ATL1: variants seen among roughly 807,000 people sequenced by gnomAD.
ATL1 encodes atlastin GTPase 1, also known as atlastin-1.
ATL1 carries 31 observed loss-of-function variants against 75.5 expected under a neutral mutation model. The ratio of observed to expected loss-of-function variants is 0.41; its 90% CI spans 0.31 to 0.55. The LOEUF is 0.55. Among genes scored for constraint, ATL1 ranks in the 20% least tolerant of loss-of-function variants. The pLI is 0.27. For missense variants in ATL1, 405 were observed against 662.6 expected, an observed-to-expected ratio of 0.61 and a Z score of 4.27; for synonymous variants, 226 against 233.3, an observed-to-expected ratio of 0.97 and a Z score of 0.28.
At chr14:50,545,123 A>G (rs1566707105) in intron 1 of ATL1, among the ~76,000 whole-genome samples, 1 of 152,106 alleles carries the variant, frequency 6.6e-6, no homozygotes, top group African/African-American at 2.4e-5. Context: ...CTGGGAACCT[A>G]CTAAGAAAAA....
intron 6 of ATL1, among the ~76,000 whole-genome samples, chr14:50,597,220 C>CAAAAAAAAAAAAAAAAAAAAA (rs372066395): frequency 2.2e-4 from 24 of 108,346 alleles, no homozygotes; most frequent in African/African-American, 6.2e-4. Context: ...AAAAAACAAA[C>CAAAAAAAAAAAAAAAAAAAAA]AAAAAAAAAA....
At position 50,628,111 on chromosome 14, in the gene ATL1, G is replaced by A. The variant is rs144792471; in HGVS notation, c.1200G>A (p.Lys400=). ...KHLQLKEESV[K]LFRGVKKMGG... is the part of the protein sequence containing the mutation. ...TGCAACTTAAGGAAGAATCTGTGAA[G>A]CTATTCCGAGGGGTGAAGAAGATGG... Residue 400 remains lysine, a synonymous_variant, in exon 12 of 14, where the codon AAG becomes AAA. Coordinates refer to ENST00000358385, the MANE Select transcript of ATL1 (RefSeq NM_015915.5). The A allele has an allele frequency of 1.4e-4, 218 of 1,614,190 alleles. No homozygotes were observed. The African/African-American group carries it at 2.3e-3, about 17-fold the overall frequency.
chr14:50,628,179 G>C lies in ATL1; in HGVS notation c.1268G>C (p.Ser423Thr). Residue 423 changes from serine to threonine, a missense_variant, in exon 12 of 14, where the codon AGT (serine) becomes ACT (threonine). This residue lies in a region of ATL1 where 163 missense variants were observed against 244.1 expected (regional missense o/e 0.67). Coordinates refer to ENST00000358385, the MANE Select transcript of ATL1 (RefSeq NM_015915.5). ...FSRRYLQQLE[S>T]EIDELYIQYI... ...CGGCGTTACCTGCAGCAGTTGGAGAGTGAAATAGATGAACTTTACATCCAA... is the reference window on the plus strand; with the variant it reads ...CGGCGTTACCTGCAGCAGTTGGAGACTGAAATAGATGAACTTTACATCCAA... 6.2e-7 allele frequency: 1 copy of C among 1,614,150 alleles called. No individual in the cohort carries two copies. Among genetic ancestry groups the C allele is most frequent in the Non-Finnish European group, 8.5e-7 (1 of 1,180,026 alleles).
At chr14:50,542,006 CAAAAAAAAAAAAAAAAAAAAAA>C (rs59075218) in intron 1 of ATL1, among the ~76,000 whole-genome samples, 1,446 of 62,404 alleles carry the variant, frequency 0.023, 51 homozygotes, top group African/African-American at 0.11. Context: ...GATTCCGTCT[CAAAAAAAAAAAAAAAAAAAAAA>C]AAAAAAAAAA....
intron 1 of ATL1, among the ~76,000 whole-genome samples, chr14:50,580,872 T>A (rs2039048686): frequency 6.6e-6 from 1 of 151,952 alleles, no homozygotes; most frequent in Non-Finnish European, 1.5e-5. Flanking sequence ...TGAATTTAAT[T>A]TTTTCTAGGT....
In ATL1 at chr14:50,537,411, G is replaced by A. The variant is rs532571103; in HGVS notation, c.-140+4044G>A. The stretch of plus-strand genomic sequence containing the variant: ...GCCCTCACGGAGAACCTCTGCTAGG[G>A]TGGTGCGAAAGGGAAATGTGGGGTC... On this transcript the variant is annotated intron_variant, in intron 1 of 13. Transcript: ENST00000441560. 2.6e-5 allele frequency among the ~76,000 whole-genome samples: 4 copies of A among 152,344 alleles called. No individual in the cohort carries two copies. The South Asian group carries it at 8.3e-4, about 32-fold the overall frequency.
intron 1 of ATL1, among the ~76,000 whole-genome samples, chr14:50,534,796 A>G (rs1005838520): frequency 6.6e-6 from 1 of 152,276 alleles, no homozygotes; most frequent in Non-Finnish European, 1.5e-5. Flanking sequence ...AATCTTAAGG[A>G]TTTTTAAAAT....
chr14:50,587,879 C>T lies in ATL1; in HGVS notation c.83C>T (p.Pro28Leu). The T allele has an allele frequency of 1.2e-6, 2 of 1,613,998 alleles. No homozygotes were observed. Among genetic ancestry groups the T allele is most frequent in the Non-Finnish European group, 1.7e-6 (2 of 1,180,018 alleles). Residue 28 changes from proline (P) to leucine (L), a missense_variant, in exon 2 of 14, where the codon CCA (proline) becomes CTA (leucine). Physicochemically the swap from Pro to Leu is moderately conservative, Grantham distance 98 (BLOSUM62 -3). Around this residue, in one of 5 missense-constraint regions of ATL1, gnomAD observed 126 missense variants for 172.0 expected, o/e 0.73. Coordinates refer to ENST00000358385, the MANE Select transcript of ATL1 (RefSeq NM_015915.5). The stretch of plus-strand genomic sequence containing the variant: ...GAATGGAGCTCAGAAGAGGAGGAGC[C>T]AGTGAAAAAGGCAGGACCAGTCCAA... ...TYEWSSEEEE[P>L]VKKAGPVQVL... is the part of the protein sequence containing the mutation.
chr14:50,557,438 A>G (rs1478446758), upstream of ATL1, among the ~76,000 whole-genome samples: 1 of 152,148 alleles, frequency 6.6e-6, no homozygotes, highest in Non-Finnish European at 1.5e-5. Context: ...TTTTCCAGGA[A>G]TGGTATACTA....
intron 4 of ATL1, among the ~76,000 whole-genome samples, chr14:50,592,969 TTA>T (rs10686043): frequency 7.0e-6 from 1 of 142,744 alleles, no homozygotes; most frequent in Non-Finnish European, 1.5e-5. Context: ...TGTGTGTAAA[TTA>T]TATATATATG....
intron 1 of ATL1, among the ~76,000 whole-genome samples, chr14:50,544,947 A>G (rs1566706963): frequency 6.6e-6 from 1 of 150,882 alleles, no homozygotes; most frequent in Non-Finnish European, 1.5e-5. Flanking sequence ...AAAAAAAAAA[A>G]AAAAAAAAAA....
chr14:50,560,207 C>T lies in ATL1; in HGVS notation c.-59C>T. The T allele has an allele frequency of 6.2e-7, 1 of 1,605,294 alleles. No homozygotes were observed. The highest frequency in any genetic ancestry group is 1.1e-5 in the South Asian group (1 of 89,816). ...CCTCCCACCGCCAGCAACCTGCGGC[C>T]CCGGAGAAGGCAGCGAGCGCAGTGA... On this transcript the variant is annotated 5_prime_UTR_variant, in exon 1 of 14. Transcript: ENST00000358385.
intron 3 of ATL1, among the ~76,000 whole-genome samples, chr14:50,591,280 C>T (rs2039155475): frequency 6.6e-6 from 1 of 152,106 alleles, no homozygotes; most frequent in Non-Finnish European, 1.5e-5. Flanking sequence ...AACAGCAGAT[C>T]AGCAAGTAAC....
At chr14:50,542,535 G>C (rs1437154802) in intron 1 of ATL1, 2 of 152,214 alleles carry the variant, frequency 1.3e-5, no homozygotes, top group Non-Finnish European at 2.9e-5. Flanking sequence ...ATGGGCAGCA[G>C]AATTCCGTTG....
intron 11 of ATL1, among the ~76,000 whole-genome samples, chr14:50,623,986 T>C (rs2140235481): frequency 6.6e-6 from 1 of 152,228 alleles, no homozygotes; most frequent in South Asian, 2.1e-4. Context: ...AACAGGGAAG[T>C]GGAGGTTGCA....
At chr14:50,574,849 G>A (rs546831821) in intron 1 of ATL1, among the ~76,000 whole-genome samples, 2 of 146,018 alleles carry the variant, frequency 1.4e-5, no homozygotes, top group South Asian at 4.3e-4. Context: ...AATACGCATG[G>A]AATTGTTTTA....
rs2039381045 is a variant in ATL1, at chr14:50,613,060, C to T, written c.631-199C>T. Among the ~76,000 whole-genome samples the T allele has an allele frequency of 2.6e-5, 4 of 152,024 alleles. No homozygotes were observed. The South Asian group carries it at 8.3e-4, about 31-fold the overall frequency. On this transcript the variant is annotated intron_variant, in intron 6 of 13. Coordinates refer to ENST00000358385, the MANE Select transcript of ATL1 (RefSeq NM_015915.5). Reference sequence around the variant, plus strand: ...CATTTTGTACACAGCCTTCTGTTCACATTTAATGGAAATATGTAGGATGAT... The same window carrying T: ...CATTTTGTACACAGCCTTCTGTTCATATTTAATGGAAATATGTAGGATGAT...
intron 8 of ATL1, among the ~76,000 whole-genome samples, chr14:50,619,480 G>T (rs1037002562): frequency 6.6e-6 from 1 of 152,180 alleles, no homozygotes; most frequent in Non-Finnish European, 1.5e-5. Context: ...CGGGATTACA[G>T]GTGGGAGCCA....
At chr14:50,618,892 T>TATA (rs201423325) in intron 8 of ATL1, among the ~76,000 whole-genome samples, 9 of 80,856 alleles carry the variant, frequency 1.1e-4, no homozygotes, top group African/African-American at 6.9e-4. Flanking sequence ...TATATATATA[T>TATA]TTTTTTTTCT....
Sources: gnomAD v4.1 joint callset for allele counts (sites outside exome capture counted in the v4.1 genomes callset) on GRCh38, gnomAD v4.1.1 for gene constraint, gnomAD v4.1.1 regional missense constraint, MANE v1.5 for transcripts, NCBI Gene and HGNC (gene_info 2026-07-23, HGNC 2026-07-21) for gene names.